Variants in ILRUN observed in about 807,000 individuals in gnomAD.
ILRUN encodes inflammation and lipid regulator with UBA-like and NBR1-like domains, also known as protein ILRUN.
In ILRUN, 3 loss-of-function variants were observed where a neutral mutation model predicts 33.8. That is an observed-to-expected ratio of 0.09 (90% CI 0.04 to 0.23). The LOEUF is 0.23. ILRUN is among the 10% of genes least tolerant of loss of function. ILRUN has a pLI of 1.00. For synonymous variants in ILRUN, 124 were observed against 138.9 expected, an observed-to-expected ratio of 0.89 and a Z score of 0.75; for missense variants, 210 against 375.1, an observed-to-expected ratio of 0.56 and a Z score of 3.64.
chr6:34,618,251 G>A (rs543929649), intron 3 of ILRUN, among the ~76,000 whole-genome samples: 18 of 152,268 alleles, frequency 1.2e-4, no homozygotes, highest in Non-Finnish European at 2.2e-4. Flanking sequence ...AAAGTTAAGA[G>A]GAAATATTAT....
intron 1 of ILRUN, among the ~76,000 whole-genome samples, chr6:34,662,855 C>CT (rs951022702): frequency 2.6e-5 from 4 of 152,128 alleles, no homozygotes; most frequent in African/African-American, 9.7e-5. Flanking sequence ...GGCAGGAGGA[C>CT]TGCTTGAGCC....
At chr6:34,696,317 C>T in intron 1 of ILRUN, 129 bp downstream of exon 1, 1 of 1,005,472 alleles carries the variant, frequency 9.9e-7, no homozygotes, top group East Asian at 2.7e-5. Flanking sequence ...GACTCGTCCT[C>T]CCCGTCCCGG....
chr6:34,656,194 C>G (rs1480980782), intron 1 of ILRUN, among the ~76,000 whole-genome samples: 1 of 148,036 alleles, frequency 6.8e-6, no homozygotes, highest in Non-Finnish European at 1.5e-5. Context: ...CAAGATAGCA[C>G]CATTGCACTC....
intron 3 of ILRUN, chr6:34,617,366 G>A (rs959285154): frequency 1.9e-5 from 6 of 310,650 alleles, no homozygotes; most frequent in South Asian, 3.0e-5. Flanking sequence ...ATCTTTGTGC[G>A]TGTCTCTTAG....
intron 3 of ILRUN, among the ~76,000 whole-genome samples, chr6:34,645,459 C>T (rs532031438): frequency 9.9e-5 from 15 of 152,118 alleles, no homozygotes; most frequent in Non-Finnish European, 1.8e-4. Context: ...ACTGCAACCT[C>T]GACCTCCTAG....
chr6:34,671,555 A>G (rs781119953), intron 1 of ILRUN, among the ~76,000 whole-genome samples: 17 of 152,246 alleles, frequency 1.1e-4, no homozygotes, highest in Non-Finnish European at 2.4e-4. Context: ...GGATCATTCA[A>G]CTGGCATACC....
intron 3 of ILRUN, among the ~76,000 whole-genome samples, chr6:34,625,387 G>A (rs138757670): frequency 5.3e-5 from 8 of 152,170 alleles, no homozygotes; most frequent in Non-Finnish European, 1.0e-4. Context: ...CTCTCATAGG[G>A]GTACTTAGAA....
At chr6:34,644,478 A>T (rs1762530367) in intron 3 of ILRUN, among the ~76,000 whole-genome samples, 1 of 152,186 alleles carries the variant, frequency 6.6e-6, no homozygotes. Flanking sequence ...TGAAGAGCTA[A>T]TATAAAGGAG....
chr6:34,658,821 C>G (rs145995253), intron 1 of ILRUN, among the ~76,000 whole-genome samples: 1 of 152,212 alleles, frequency 6.6e-6, no homozygotes, highest in Non-Finnish European at 1.5e-5. Flanking sequence ...AAAAAAAAGA[C>G]TGTGATCTTT....
At chr6:34,632,552 A>AC (rs1762269562) in intron 3 of ILRUN, among the ~76,000 whole-genome samples, 1 of 143,078 alleles carries the variant, frequency 7.0e-6, no homozygotes, top group Admixed American at 6.8e-5. Flanking sequence ...CAGAGCAAAT[A>AC]ATTTTTTTTT....
chr6:34,598,417 C>T (rs1761445445), intron 4 of ILRUN, among the ~76,000 whole-genome samples: 1 of 152,192 alleles, frequency 6.6e-6, no homozygotes, highest in Admixed American at 6.5e-5. Context: ...TACCAGGAGC[C>T]ATTCTTACAC....
At chr6:34,598,733 G>A (rs1171150499) in intron 4 of ILRUN, among the ~76,000 whole-genome samples, 1 of 152,212 alleles carries the variant, frequency 6.6e-6, no homozygotes, top group Non-Finnish European at 1.5e-5. Context: ...CAGTCAGATA[G>A]TAATGTTACA....
intron 4 of ILRUN, among the ~76,000 whole-genome samples, chr6:34,602,744 A>T (rs938555924): frequency 9.2e-5 from 14 of 152,218 alleles, no homozygotes; most frequent in Non-Finnish European, 4.4e-5. Context: ...AGATTTATGA[A>T]TCTTTGAGGC....
intron 1 of ILRUN, among the ~76,000 whole-genome samples, chr6:34,675,994 G>A (rs1763220628): frequency 6.6e-6 from 1 of 152,074 alleles, no homozygotes; most frequent in Admixed American, 6.6e-5. Context: ...ACAAAGTAGT[G>A]GTTAAATAAA....
chr6:34,587,982 GC>G lies in ILRUN; in HGVS notation c.*2582del. 5.0e-6 allele frequency: 2 copies of G among 398,092 alleles called. No homozygotes were observed. The allele number at this position is 398,092 out of a possible 1,614,324, so 24.7% of individuals were successfully genotyped here. On this transcript the variant is annotated 3_prime_UTR_variant, in exon 5 of 5. Transcript: ENST00000374023. Reference sequence around the variant, plus strand: ...CCACTTGGTGAAGATTCTAAGAGGAGCAGGGACTATTGGGGCTGAGAGGTAG... The same window carrying G: ...CCACTTGGTGAAGATTCTAAGAGGAGAGGGACTATTGGGGCTGAGAGGTAG...
chr6:34,637,867 T>TGCTGCTGCTGCTGC, intron 3 of ILRUN, among the ~76,000 whole-genome samples: 1 of 61,078 alleles, frequency 1.6e-5, no homozygotes, highest in African/African-American at 8.1e-5. Flanking sequence ...GCTGCTGCTG[T>TGCTGCTGCTGCTGC]TGTTGTTGTT....
intron 3 of ILRUN, among the ~76,000 whole-genome samples, chr6:34,609,609 C>G (rs1431067355): frequency 6.6e-6 from 1 of 151,702 alleles, no homozygotes; most frequent in African/African-American, 2.4e-5. Context: ...AGAGTGAGAG[C>G]CTATCTCCAA....
intron 4 of ILRUN, chr6:34,595,926 T>G (rs1252801204): frequency 1.0e-6 from 1 of 985,380 alleles, no homozygotes; most frequent in Non-Finnish European, 1.2e-6. Context: ...CGCCTAGTGC[T>G]CCTTTTGTAT....
rs563856972 is a variant in ILRUN, at chr6:34,665,084, C to T, written c.159-10305G>A. On this transcript the variant is annotated intron_variant, in intron 1 of 4. Coordinates refer to ENST00000374023, the MANE Select transcript of ILRUN (RefSeq NM_024294.4). ...CTCCTGGACTCAGGCAATCGTCCTG[C>T]CTCAACCTCCCAAGTAGGAGTACAG... 1.8e-3 allele frequency among the ~76,000 whole-genome samples: 281 copies of T among 152,002 alleles called. 2 individuals carry two copies. The highest frequency in any genetic ancestry group is 6.6e-3 in the African/African-American group (274 of 41,456).
Sources: allele counts gnomAD v4.1 joint callset (sites outside exome capture counted in the v4.1 genomes callset), GRCh38; gene constraint gnomAD v4.1.1; transcripts MANE v1.5; gene names NCBI Gene and HGNC (gene_info 2026-07-23, HGNC 2026-07-21).